DLC1: variants seen among roughly 807,000 people sequenced by gnomAD.
The protein encoded by DLC1 is DLC1 Rho GTPase activating protein, also known as rho GTPase-activating protein 7.
In DLC1, 54 loss-of-function variants were observed where a neutral mutation model predicts 140.3. The observed-to-expected ratio is 0.38, with a 90% CI of 0.31 to 0.48. The LOEUF (loss-of-function observed/expected upper bound fraction) is 0.48. DLC1 is among the 20% of genes least tolerant of loss of function. The probability of loss-of-function intolerance (pLI) is 0.96; values close to 1 mark genes in which losing one functional copy is unlikely to be tolerated. For missense variants in DLC1, 2,536 were observed against 1,907.0 expected (o/e 1.33, Z -6.14); for synonymous variants, 986 against 728.1 (o/e 1.35, Z -5.70).
At chr8:13,114,900 C>T (rs369239593) in intron 6 of DLC1, among the ~76,000 whole-genome samples, 3 of 152,126 alleles carry the variant, frequency 2.0e-5, no homozygotes, top group Non-Finnish European at 2.9e-5. Flanking sequence ...AAAATTGGTA[C>T]GGGCACTTTC....
chr8:13,168,113 A>G lies in DLC1; in HGVS notation c.1349-52456T>C, dbSNP rs375592911. On this transcript the variant is annotated intron_variant, in intron 5 of 17. Coordinates refer to ENST00000276297, the MANE Select transcript of DLC1 (RefSeq NM_182643.3). Reference sequence around the variant, plus strand: ...CAGTGATGTCTCTAATAGTGCAGCCATGCTGTACTTGTTCTCCATTTCTTA... The same window carrying G: ...CAGTGATGTCTCTAATAGTGCAGCCGTGCTGTACTTGTTCTCCATTTCTTA... Among the ~76,000 whole-genome samples, 11 of 152,326 alleles carry G rather than the reference A, an allele frequency of 7.2e-5. No homozygotes were observed. In the East Asian group the frequency reaches 2.1e-3, roughly 29 times the overall value.
intron 1 of DLC1, among the ~76,000 whole-genome samples, chr8:13,577,182 G>C (rs1472518791): frequency 6.6e-6 from 1 of 152,072 alleles, no homozygotes; most frequent in Admixed American, 6.6e-5. Flanking sequence ...TCCGACATTG[G>C]ACTTTATAAT....
At chr8:13,581,994 G>C (rs937432622) in intron 1 of DLC1, among the ~76,000 whole-genome samples, 6 of 152,290 alleles carry the variant, frequency 3.9e-5, no homozygotes, top group South Asian at 2.1e-4. Flanking sequence ...TGTGTGAAGA[G>C]GGTAGGATGG....
At chr8:13,194,628 G>C (rs1402872087) in intron 5 of DLC1, among the ~76,000 whole-genome samples, 16 of 152,172 alleles carry the variant, frequency 1.1e-4, no homozygotes, top group Admixed American at 1.0e-3. Flanking sequence ...CCATTCTGGG[G>C]ATTAAAAATA....
chr8:13,380,067 T>A (rs1836181640), intron 4 of DLC1, among the ~76,000 whole-genome samples: 1 of 152,158 alleles, frequency 6.6e-6, no homozygotes, highest in African/African-American at 2.4e-5. Context: ...CACCATTCAT[T>A]CCTTGTCATT....
intron 2 of DLC1, among the ~76,000 whole-genome samples, chr8:13,437,497 G>T (rs1328282771): frequency 6.6e-6 from 1 of 152,144 alleles, no homozygotes; most frequent in Non-Finnish European, 1.5e-5. Flanking sequence ...TTCACATTAA[G>T]TAATAAGGTC....
chr8:13,371,181 A>T (rs931236920), intron 4 of DLC1, among the ~76,000 whole-genome samples: 10 of 151,914 alleles, frequency 6.6e-5, no homozygotes, highest in Admixed American at 6.6e-4. Flanking sequence ...TTACTTTATT[A>T]TTTCCTTAAT....
At chr8:13,339,730 TACAC>T (rs1386220782) in intron 4 of DLC1, 1 of 152,202 alleles carries the variant, frequency 6.6e-6, no homozygotes, top group East Asian at 1.9e-4. Flanking sequence ...TTTCATAAAA[TACAC>T]AAAGAGATTG....
chr8:13,126,749 A>T lies in DLC1; in HGVS notation c.1349-11092T>A, dbSNP rs145995070. ...ATAAACTCTTTCTTTTACATATGTT[A>T]GCAAAGCTTATTCTACGAGGGGCAT... On this transcript the variant is annotated intron_variant, in intron 5 of 17. Coordinates refer to ENST00000276297, the MANE Select transcript of DLC1 (RefSeq NM_182643.3). 2.9e-3 allele frequency among the ~76,000 whole-genome samples: 447 copies of T among 152,350 alleles called. 4 individuals carry two copies. The highest frequency in any genetic ancestry group is 0.01 in the African/African-American group (435 of 41,582).
chr8:13,518,957 T>C (rs1248358348), upstream of DLC1, among the ~76,000 whole-genome samples: 1 of 152,088 alleles, frequency 6.6e-6, no homozygotes, highest in Admixed American at 6.6e-5. Context: ...TGTGTTTTCT[T>C]TTTTTAAAAA....
intron 2 of DLC1, among the ~76,000 whole-genome samples, chr8:13,443,290 A>G (rs556950959): frequency 5.3e-5 from 8 of 150,748 alleles, no homozygotes; most frequent in African/African-American, 1.7e-4. Flanking sequence ...CCAACATGGC[A>G]CATGTATACA....
intron 1 of DLC1, among the ~76,000 whole-genome samples, chr8:13,598,828 G>T (rs1180152814): frequency 2.6e-5 from 4 of 151,984 alleles, no homozygotes; most frequent in African/African-American, 7.2e-5. Context: ...TTCCATGAAT[G>T]AACTAAAATT....
chr8:13,465,778 ATTCT>A (rs2117044418), intron 2 of DLC1, among the ~76,000 whole-genome samples: 1 of 152,180 alleles, frequency 6.6e-6, no homozygotes, highest in Non-Finnish European at 1.5e-5. Context: ...ACTTTTTAGT[ATTCT>A]TTCTATGTTA....
At chr8:13,600,652 A>G (rs1805844609) in intron 1 of DLC1, among the ~76,000 whole-genome samples, 1 of 151,902 alleles carries the variant, frequency 6.6e-6, no homozygotes, top group South Asian at 2.1e-4. Context: ...TCTAATGAAA[A>G]GATTTTATTT....
chr8:13,155,127 C>G (rs1047993294), intron 5 of DLC1, among the ~76,000 whole-genome samples: 1 of 124,786 alleles, frequency 8.0e-6, no homozygotes, highest in Admixed American at 7.9e-5. Flanking sequence ...CTACAACTTG[C>G]GCTGCTTTTT....
chr8:13,407,358 A>G (rs1026590872), intron 2 of DLC1, among the ~76,000 whole-genome samples: 4 of 152,170 alleles, frequency 2.6e-5, no homozygotes, highest in Non-Finnish European at 4.4e-5. Flanking sequence ...TCCATCTGGG[A>G]AAGATAATCC....
At chr8:13,114,523 A>ATT (rs371298319) in intron 6 of DLC1, among the ~76,000 whole-genome samples, 4 of 148,390 alleles carry the variant, frequency 2.7e-5, no homozygotes, top group Non-Finnish European at 6.0e-5. Context: ...CACAGATCCT[A>ATT]TTTTTTTTTT....
chr8:13,548,645 A>G (rs894334440), intron 1 of DLC1, among the ~76,000 whole-genome samples: 34 of 152,206 alleles, frequency 2.2e-4, no homozygotes, highest in African/African-American at 7.9e-4. Flanking sequence ...ATCAGCTCTC[A>G]TATGGATTTG....
At chr8:13,177,636 G>A (rs1007694924) in intron 5 of DLC1, among the ~76,000 whole-genome samples, 2 of 152,284 alleles carry the variant, frequency 1.3e-5, no homozygotes, top group Middle Eastern at 3.4e-3. Flanking sequence ...CAGCAATACT[G>A]AGGTCTGCAA....
Sources: gnomAD v4.1 joint callset for allele counts (sites outside exome capture counted in the v4.1 genomes callset) on GRCh38, gnomAD v4.1.1 for gene constraint, MANE v1.5 for transcripts, NCBI Gene and HGNC (gene_info 2026-07-23, HGNC 2026-07-21) for gene names.